The following PCDHGA5 variants were observed in gnomAD, a reference collection of about 807,000 sequenced individuals.
PCDHGA5 encodes the protein protocadherin gamma-A5.
PCDHGA5 carries 36 observed loss-of-function variants against 56.7 expected under a neutral mutation model. The ratio of observed to expected loss-of-function variants is 0.64; its 90% CI spans 0.49 to 0.84. The LOEUF (loss-of-function observed/expected upper bound fraction) is 0.84, where lower values mean the gene tolerates loss of function less well. Ranked by LOEUF, PCDHGA5 falls within the 40% of genes least tolerant of loss-of-function variation. The pLI, the probability that PCDHGA5 is intolerant of heterozygous loss-of-function variation, is 0.00. For missense variants in PCDHGA5, 1,305 were observed against 1,201.5 expected, an observed-to-expected ratio of 1.09 and a Z score of -1.27; for synonymous variants, 563 against 520.2, an observed-to-expected ratio of 1.08 and a Z score of -1.12.
At chr5:141,400,533 C>T in intron 1 of PCDHGA5, 11 of 1,613,902 alleles carry the variant, frequency 6.8e-6, no homozygotes, top group Non-Finnish European at 9.3e-6. Context: ...TGGTGAGTTT[C>T]ATTTATGTCT....
chr5:141,472,371 C>G (rs2099278632), intron 1 of PCDHGA5, among the ~76,000 whole-genome samples: 1 of 151,944 alleles, frequency 6.6e-6, no homozygotes, highest in Admixed American at 6.6e-5. Flanking sequence ...GAAACCCCGT[C>G]TCCACTAAAA....
intron 1 of PCDHGA5, chr5:141,382,604 A>G (rs746848430): frequency 2.6e-5 from 7 of 268,716 alleles, no homozygotes; most frequent in Non-Finnish European, 3.5e-5. Flanking sequence ...ACAATTTTCT[A>G]TGAAATCAGT....
Position 141,366,724 on chromosome 5 carries a change from T to C in PCDHGA5, c.2394T>C (p.Asp798=), listed in dbSNP as rs917379074. The C allele has an allele frequency of 6.2e-7, 1 of 1,613,556 alleles. No homozygotes were observed. The highest frequency in any genetic ancestry group is 1.3e-5 in the African/African-American group (1 of 74,938). ...CTCTTCTGATGTCTGATAAGGTAGA[T>C]GCAAACAAAGAAGAACGGCGAGTTC... is the stretch of plus-strand genomic sequence containing the variant. ...SEPLLMSDKV[D]ANKEERRVQQ... The change falls in exon 1 of 4, where the codon GAT becomes GAC. Residue 798 remains aspartate (D), a synonymous_variant. Coordinates refer to ENST00000518069, the MANE Select transcript of PCDHGA5 (RefSeq NM_018918.3).
intron 1 of PCDHGA5, among the ~76,000 whole-genome samples, chr5:141,473,773 T>C (rs1473510505): frequency 6.6e-6 from 1 of 152,254 alleles, no homozygotes; most frequent in Non-Finnish European, 1.5e-5. Context: ...GGATTTGGTA[T>C]TTTAATTCAA....
At chr5:141,385,369 G>A in intron 1 of PCDHGA5, 1 of 1,532,174 alleles carries the variant, frequency 6.5e-7, no homozygotes, top group East Asian at 2.3e-5. Flanking sequence ...TTATTTGCAT[G>A]ATATTTCTCT....
In PCDHGA5 at chr5:141,404,896, C is replaced by T. The variant is rs182502698; in HGVS notation, c.2421+38145C>T. ...AGAGCCTTGTGGTGGCTGTACAGGA[C>T]CATGGCCAGCCCCCTCTCTCGGCCA... On this transcript the variant is annotated intron_variant, in intron 1 of 3. Transcript: ENST00000518069. The T allele has an allele frequency of 3.7e-5, 59 of 1,613,884 alleles. No homozygotes were observed. The Admixed American group carries it at 8.3e-4, about 23-fold the overall frequency.
At chr5:141,421,303 G>A (rs1456288695) in intron 1 of PCDHGA5, 1 of 1,613,660 alleles carries the variant, frequency 6.2e-7, no homozygotes, top group Non-Finnish European at 8.5e-7. Flanking sequence ...GACGCTGCGG[G>A]GGTTCCGGGC....
intron 1 of PCDHGA5, among the ~76,000 whole-genome samples, chr5:141,444,162 T>A: frequency 8.4e-6 from 1 of 119,238 alleles, no homozygotes. Flanking sequence ...ATTTTTTTTT[T>A]TTTTTTTTTT....
chr5:141,399,632 C>G, intron 1 of PCDHGA5: 1 of 1,613,894 alleles, frequency 6.2e-7, no homozygotes, highest in Non-Finnish European at 8.5e-7. Flanking sequence ...TCTTACGTGT[C>G]CATGAGCGCG....
At chr5:141,442,053 G>A (rs888378256) in intron 1 of PCDHGA5, 3 of 197,472 alleles carry the variant, frequency 1.5e-5, no homozygotes, top group Non-Finnish European at 3.2e-5. Flanking sequence ...ACTGGTCGCG[G>A]TGCACTGCGG....
chr5:141,487,771 T>C lies in PCDHGA5; in HGVS notation c.2422-7036T>C. The C allele has an allele frequency of 1.3e-6, 2 of 1,537,446 alleles. No homozygotes were observed. Among genetic ancestry groups the C allele is most frequent in the South Asian group, 2.4e-5 (2 of 82,456 alleles). ...ACTATGTGGTAGACGCTGTGCTTTGTAACTGTTTCGTGAATTAACCAGAGT... is the reference window on the plus strand; with the variant it reads ...ACTATGTGGTAGACGCTGTGCTTTGCAACTGTTTCGTGAATTAACCAGAGT... On this transcript the variant is annotated intron_variant, in intron 1 of 3. Coordinates refer to ENST00000518069, the MANE Select transcript of PCDHGA5 (RefSeq NM_018918.3). This position sits in a 1 kb window ranked among gnomAD's most constrained non-coding sequence, Gnocchi z 5.0.
intron 2 of PCDHGA5, among the ~76,000 whole-genome samples, chr5:141,503,638 T>C (rs1467962880): frequency 1.3e-5 from 2 of 151,908 alleles, no homozygotes; most frequent in Non-Finnish European, 2.9e-5. Flanking sequence ...AAATAATTAT[T>C]GAATCAATGG....
rs373867677 is a variant in PCDHGA5 at position 141,432,049 on chromosome 5, G to A, written c.2422-62758G>A. The A allele has an allele frequency of 2.0e-5, 32 of 1,614,150 alleles. No individual in the cohort carries two copies. In the African/African-American group the frequency reaches 4.1e-4, roughly 21 times the overall value. ...TGACCGCCACTGACCGGGGAACCCC[G>A]CCCCTATCCACGGAAACTCATATCT... On this transcript the variant is annotated intron_variant, in intron 1 of 3. Coordinates refer to ENST00000518069, the MANE Select transcript of PCDHGA5 (RefSeq NM_018918.3). The surrounding 1 kb of genome is among the most constrained non-coding windows in gnomAD (Gnocchi z 6.0).
chr5:141,499,233 C>A (rs1047984757), intron 2 of PCDHGA5, among the ~76,000 whole-genome samples: 2 of 152,116 alleles, frequency 1.3e-5, no homozygotes, highest in Non-Finnish European at 2.9e-5. Context: ...CAGCTGTCCC[C>A]AGCCTCTGCA....
chr5:141,393,428 G>A (rs1043256482), intron 1 of PCDHGA5: 2 of 1,614,042 alleles, frequency 1.2e-6, no homozygotes, highest in Admixed American at 1.7e-5. Flanking sequence ...GGGAGGAAGA[G>A]GCTGCTCACC....
At chr5:141,394,306 G>T in intron 1 of PCDHGA5, 1 of 1,613,958 alleles carries the variant, frequency 6.2e-7, no homozygotes, top group Non-Finnish European at 8.5e-7. Context: ...ACGCTGCAGG[G>T]GGCGCCCCTG....
chr5:141,412,967 A>G, intron 1 of PCDHGA5: 1 of 520,650 alleles, frequency 1.9e-6, no homozygotes, highest in Non-Finnish European at 3.3e-6. Context: ...CTACTAGGAG[A>G]GAAAACGCAG....
intron 1 of PCDHGA5, chr5:141,410,799 C>A: frequency 1.8e-6 from 1 of 560,610 alleles, no homozygotes; most frequent in Non-Finnish European, 2.6e-6. Flanking sequence ...ATAAGTTGCT[C>A]TATCTTTTTG....
At chr5:141,406,244 G>C (rs1214749681) in intron 1 of PCDHGA5, among the ~76,000 whole-genome samples, 1 of 151,936 alleles carries the variant, frequency 6.6e-6, no homozygotes, top group Non-Finnish European at 1.5e-5. Context: ...ATGTTGCCCA[G>C]ACTGGTCTCA....
Sources: allele counts gnomAD v4.1 joint callset (sites outside exome capture counted in the v4.1 genomes callset), GRCh38; gene constraint gnomAD v4.1.1; non-coding constraint Gnocchi (gnomAD v3.1); transcripts MANE v1.5; gene names NCBI Gene and HGNC (gene_info 2026-07-23, HGNC 2026-07-21).